HS3ST3A1: variants seen among roughly 807,000 people sequenced by gnomAD.
The protein encoded by HS3ST3A1 is heparan sulfate-glucosamine 3-sulfotransferase 3A1.
Under a neutral mutation model 25.7 loss-of-function variants are expected in HS3ST3A1, and 19 were observed. The observed-to-expected ratio is 0.74, with a 90% CI of 0.52 to 1.08. The LOEUF is 1.08. Ranked by LOEUF, HS3ST3A1 falls within the 50% of genes least tolerant of loss-of-function variation. The pLI is 0.00. For synonymous variants in HS3ST3A1, 226 were observed against 278.6 expected (o/e 0.81, Z 1.88); for missense variants, 459 against 594.3 (o/e 0.77, Z 2.37).
intron 1 of HS3ST3A1, among the ~76,000 whole-genome samples, chr17:13,512,573 T>G (rs1237238985): frequency 6.6e-6 from 1 of 152,154 alleles, no homozygotes; most frequent in Non-Finnish European, 1.5e-5. Flanking sequence ...TCTCGGCAGC[T>G]TTTGAACCAC....
At chr17:13,541,646 C>T (rs9897176) in intron 1 of HS3ST3A1, among the ~76,000 whole-genome samples, 59,046 of 152,070 alleles carry the variant, frequency 0.39, 12,389 homozygotes, top group African/African-American at 0.56. Context: ...TAAGGAGTCT[C>T]TTTCTTTAGT....
intron 1 of HS3ST3A1, among the ~76,000 whole-genome samples, chr17:13,598,414 A>G (rs1351560520): frequency 6.6e-6 from 1 of 152,160 alleles, no homozygotes; most frequent in African/African-American, 2.4e-5. Flanking sequence ...TAAGTTTCCT[A>G]TGTAATTGAG....
intron 1 of HS3ST3A1, among the ~76,000 whole-genome samples, chr17:13,576,894 A>T (rs1907960153): frequency 6.6e-6 from 1 of 152,228 alleles, no homozygotes; most frequent in Non-Finnish European, 1.5e-5. Context: ...AGGATGGCCT[A>T]CTGCATTAGT....
intron 1 of HS3ST3A1, among the ~76,000 whole-genome samples, chr17:13,512,325 A>AC (rs1905901341): frequency 6.6e-6 from 1 of 150,744 alleles, no homozygotes; most frequent in African/African-American, 2.5e-5. Context: ...AAAAAAAAAA[A>AC]AACTGCATGA....
At chr17:13,598,931 T>A in intron 1 of HS3ST3A1, among the ~76,000 whole-genome samples, 1 of 152,164 alleles carries the variant, frequency 6.6e-6, no homozygotes, top group East Asian at 1.9e-4. Context: ...CAACATAGTG[T>A]TAGATGTTTC....
intron 1 of HS3ST3A1, among the ~76,000 whole-genome samples, chr17:13,538,866 T>C (rs1380677506): frequency 6.6e-6 from 1 of 152,206 alleles, no homozygotes; most frequent in African/African-American, 2.4e-5. Context: ...AACTGTCATG[T>C]ACTGCTGTTT....
intron 1 of HS3ST3A1, among the ~76,000 whole-genome samples, chr17:13,533,381 A>T (rs1024502677): frequency 3.9e-5 from 6 of 151,938 alleles, no homozygotes; most frequent in African/African-American, 1.2e-4. Flanking sequence ...AGAAAAAGGA[A>T]ATGTCATCGT....
At chr17:13,595,627 C>T (rs758626300) in intron 1 of HS3ST3A1, among the ~76,000 whole-genome samples, 2 of 152,130 alleles carry the variant, frequency 1.3e-5, no homozygotes, top group African/African-American at 2.4e-5. Context: ...TTAAGCAGAA[C>T]AAATTTTCTA....
chr17:13,521,340 A>G (rs535034707), intron 1 of HS3ST3A1, among the ~76,000 whole-genome samples: 134 of 152,324 alleles, frequency 8.8e-4, no homozygotes, highest in Middle Eastern at 6.8e-3. Context: ...TTGGGAAAAG[A>G]AGTAATTAGC....
rs1267379596 is a variant in HS3ST3A1, at chr17:13,494,529, C to T, written c.*1668G>A. Among the ~76,000 whole-genome samples, 1 of 152,036 alleles carries T rather than the reference C, an allele frequency of 6.6e-6. No individual in the cohort carries two copies. Among genetic ancestry groups the T allele is most frequent in the Non-Finnish European group, 1.5e-5 (1 of 67,990 alleles). ...AACAACTTTAGTTTCTTTTGATTGACAACATTAAAGAAGAAAAAGAATATT... is the reference window on the plus strand; with the variant it reads ...AACAACTTTAGTTTCTTTTGATTGATAACATTAAAGAAGAAAAAGAATATT... On this transcript the variant is annotated 3_prime_UTR_variant, in exon 2 of 2. Coordinates refer to ENST00000284110, the MANE Select transcript of HS3ST3A1 (RefSeq NM_006042.3).
chr17:13,539,398 G>T (rs1906863778), intron 1 of HS3ST3A1, among the ~76,000 whole-genome samples: 2 of 152,200 alleles, frequency 1.3e-5, no homozygotes, highest in South Asian at 4.1e-4. Flanking sequence ...AACCGTACTA[G>T]CTCCCAATGT....
At chr17:13,560,512 A>G (rs952646365) in intron 1 of HS3ST3A1, among the ~76,000 whole-genome samples, 7 of 152,140 alleles carry the variant, frequency 4.6e-5, no homozygotes, top group Non-Finnish European at 7.4e-5. Context: ...TCATAATACA[A>G]TCATCATACT....
intron 1 of HS3ST3A1, among the ~76,000 whole-genome samples, chr17:13,574,657 G>A (rs1314300728): frequency 2.6e-5 from 4 of 151,900 alleles, no homozygotes; most frequent in African/African-American, 7.2e-5. Flanking sequence ...GGTGGAGCCT[G>A]CAGTGAGCTG....
chr17:13,504,636 T>TTATTCAAGTACA (rs1905597971), intron 1 of HS3ST3A1, among the ~76,000 whole-genome samples: 1 of 152,200 alleles, frequency 6.6e-6, no homozygotes, highest in Admixed American at 6.5e-5. Context: ...ATGTTGTACT[T>TTATTCAAGTACA]GAATAAAGAT....
chr17:13,526,179 C>T (rs994449800), intron 1 of HS3ST3A1, among the ~76,000 whole-genome samples: 3 of 151,962 alleles, frequency 2.0e-5, no homozygotes, highest in African/African-American at 4.8e-5. Flanking sequence ...AGTATCTGAG[C>T]TCTGGGGTTT....
chr17:13,557,720 C>T lies in HS3ST3A1; in HGVS notation c.599+42811G>A, dbSNP rs1232259283. 2.6e-5 allele frequency among the ~76,000 whole-genome samples: 4 copies of T among 152,168 alleles called. No individual in the cohort carries two copies. The East Asian group carries it at 7.7e-4, about 29-fold the overall frequency. On this transcript the variant is annotated intron_variant, in intron 1 of 1. Transcript: ENST00000284110. ...GAGGCCAAGCTTGAAGCCATCTCCT[C>T]TCAAGCTGCAGAGAAAAGCTACTCA...
chr17:13,579,212 A>G (rs538341208), intron 1 of HS3ST3A1, among the ~76,000 whole-genome samples: 1 of 152,270 alleles, frequency 6.6e-6, no homozygotes, highest in South Asian at 2.1e-4. Flanking sequence ...ACCATTTTGG[A>G]CGTCGATTTG....
chr17:13,537,722 C>T (rs947248032), intron 1 of HS3ST3A1, among the ~76,000 whole-genome samples: 2 of 152,170 alleles, frequency 1.3e-5, no homozygotes, highest in African/African-American at 4.8e-5. Flanking sequence ...GTATTAAAGA[C>T]AACTGATGCC....
intron 1 of HS3ST3A1, among the ~76,000 whole-genome samples, chr17:13,571,597 A>C (rs1317568422): frequency 6.6e-6 from 1 of 152,218 alleles, no homozygotes; most frequent in East Asian, 1.9e-4. Context: ...CAGGAAATCA[A>C]AAAGGGAATT....
Sources: allele counts gnomAD v4.1 joint callset (sites outside exome capture counted in the v4.1 genomes callset), GRCh38; gene constraint gnomAD v4.1.1; transcripts MANE v1.5; gene names NCBI Gene and HGNC (gene_info 2026-07-23, HGNC 2026-07-21).